The following TSHR variants were observed in gnomAD, a reference collection of about 807,000 sequenced individuals.
TSHR encodes thyroid stimulating hormone receptor.
In TSHR, 51 loss-of-function variants were observed where a neutral mutation model predicts 64.1. The observed-to-expected ratio is 0.80, with a 90% confidence interval of 0.64 to 1.01. The LOEUF (loss-of-function observed/expected upper bound fraction) is 1.01. TSHR is among the 50% of genes least tolerant of loss of function. The pLI, the probability that TSHR is intolerant of heterozygous loss-of-function variation, is 0.00. For synonymous variants in TSHR, 361 were observed against 361.9 expected, an observed-to-expected ratio of 1.00 and a Z score of 0.03; for missense variants, 877 against 942.8, an observed-to-expected ratio of 0.93 and a Z score of 0.91.
In TSHR at chr14:81,077,113, C is replaced by T. The variant is rs550474145; in HGVS notation, c.317+8785C>T. On this transcript the variant is annotated intron_variant, in intron 3 of 9. Transcript: ENST00000298171. ...CTACACAGAGACACATACCATTCAGCCCACTTCTGCATCTAAGTTAGATCC... is the reference window on the plus strand; with the variant it reads ...CTACACAGAGACACATACCATTCAGTCCACTTCTGCATCTAAGTTAGATCC... Among the ~76,000 whole-genome samples the T allele has an allele frequency of 1.1e-4, 16 of 152,246 alleles. No individual in the cohort carries two copies. The South Asian group carries it at 3.1e-3, about 30-fold the overall frequency.
At chr14:80,976,777 A>G (rs1887898696) in intron 1 of TSHR, among the ~76,000 whole-genome samples, 1 of 152,256 alleles carries the variant, frequency 6.6e-6, no homozygotes, top group African/African-American at 2.4e-5. Context: ...TGAGTTCTCC[A>G]CAGAGCCTAG....
At chr14:81,135,191 T>C (rs1891405265) in intron 8 of TSHR, among the ~76,000 whole-genome samples, 1 of 152,130 alleles carries the variant, frequency 6.6e-6, no homozygotes, top group East Asian at 1.9e-4. Context: ...CCTAAGAAAT[T>C]ACTTGAAAAT....
chr14:81,041,508 G>T (rs908933422), intron 1 of TSHR, among the ~76,000 whole-genome samples: 6 of 152,016 alleles, frequency 3.9e-5, no homozygotes, highest in African/African-American at 1.4e-4. Flanking sequence ...AAACACACTG[G>T]GGCCTATTGA....
At chr14:80,996,617 G>A (rs925251549) in intron 1 of TSHR, among the ~76,000 whole-genome samples, 3 of 152,032 alleles carry the variant, frequency 2.0e-5, no homozygotes, top group African/African-American at 7.3e-5. Context: ...AGCACTGTTC[G>A]AGCAATCAGG....
intron 8 of TSHR, among the ~76,000 whole-genome samples, chr14:81,134,204 C>T (rs997195457): frequency 5.9e-5 from 9 of 152,062 alleles, no homozygotes; most frequent in Non-Finnish European, 8.8e-5. Flanking sequence ...GGTGCAATCT[C>T]GGCTCACCAC....
At chr14:80,966,249 T>C (rs1451085430) in intron 1 of TSHR, among the ~76,000 whole-genome samples, 2 of 152,152 alleles carry the variant, frequency 1.3e-5, no homozygotes, top group Admixed American at 1.3e-4. Context: ...AGGAAAGGGC[T>C]CTGTGCATGA....
At chr14:81,049,024 T>C (rs917241979) in intron 1 of TSHR, among the ~76,000 whole-genome samples, 2 of 152,214 alleles carry the variant, frequency 1.3e-5, no homozygotes, top group African/African-American at 4.8e-5. Context: ...CATTATCCTA[T>C]GATAAAATTG....
intron 1 of TSHR, among the ~76,000 whole-genome samples, chr14:80,975,961 G>C (rs1452738275): frequency 6.6e-6 from 1 of 151,482 alleles, no homozygotes; most frequent in Non-Finnish European, 1.5e-5. Context: ...GCCCAGGCTG[G>C]AGTGCAGTGG....
intron 1 of TSHR, among the ~76,000 whole-genome samples, chr14:81,023,705 G>T (rs540043330): frequency 6.6e-6 from 1 of 152,178 alleles, no homozygotes; most frequent in Non-Finnish European, 1.5e-5. Context: ...AGGCCTTCTT[G>T]TACAACCAAA....
chr14:81,083,962 C>T (rs78725140), intron 3 of TSHR, among the ~76,000 whole-genome samples: 2 of 152,198 alleles, frequency 1.3e-5, no homozygotes, highest in Non-Finnish European at 1.5e-5. Context: ...CTCACTATCA[C>T]GAGAACAGCA....
At chr14:81,047,614 C>G (rs115476501) in intron 1 of TSHR, among the ~76,000 whole-genome samples, 2 of 151,610 alleles carry the variant, frequency 1.3e-5, no homozygotes, top group Admixed American at 1.3e-4. Context: ...TTGTTAAGGA[C>G]AGCTCCTTTC....
At chr14:81,119,177 TG>T (rs1480792630) in intron 8 of TSHR, among the ~76,000 whole-genome samples, 1 of 142,194 alleles carries the variant, frequency 7.0e-6, no homozygotes, top group Non-Finnish European at 1.5e-5. Flanking sequence ...AATTGACAAA[TG>T]GGATCTAATT....
chr14:81,075,565 T>C (rs920722162), intron 3 of TSHR, among the ~76,000 whole-genome samples: 1 of 151,834 alleles, frequency 6.6e-6, no homozygotes, highest in African/African-American at 2.4e-5. Flanking sequence ...TACATATGTA[T>C]ACATGTGCCA....
chr14:81,104,573 C>T (rs1053100861), intron 7 of TSHR: 110 of 985,302 alleles, frequency 1.1e-4, no homozygotes, highest in Middle Eastern at 1.0e-3. Context: ...GGCTTTCATT[C>T]CTTCCTCCAG....
At chr14:81,059,808 G>A (rs893546900) in intron 1 of TSHR, among the ~76,000 whole-genome samples, 1 of 152,076 alleles carries the variant, frequency 6.6e-6, no homozygotes, top group Non-Finnish European at 1.5e-5. Flanking sequence ...CAAAACATTA[G>A]CATTTCAAAT....
chr14:80,957,456 T>C (rs1299909428), intron 1 of TSHR, among the ~76,000 whole-genome samples: 1 of 120,578 alleles, frequency 8.3e-6, no homozygotes, highest in Non-Finnish European at 1.7e-5. Context: ...ACTTAGACAC[T>C]CAGAAAAAAC....
At chr14:81,116,073 A>C (rs1288043689) in intron 8 of TSHR, among the ~76,000 whole-genome samples, 2 of 152,114 alleles carry the variant, frequency 1.3e-5, no homozygotes, top group Admixed American at 6.5e-5. Context: ...CCGCTGCAAA[A>C]TCATGCCAAA....
intron 1 of TSHR, among the ~76,000 whole-genome samples, chr14:81,010,712 T>C (rs1433752815): frequency 6.6e-6 from 1 of 152,196 alleles, no homozygotes; most frequent in Non-Finnish European, 1.5e-5. Flanking sequence ...CAGTACAATG[T>C]TGAATAGCAA....
intron 1 of TSHR, among the ~76,000 whole-genome samples, chr14:81,058,656 T>C (rs565493117): frequency 4.7e-4 from 71 of 152,334 alleles, no homozygotes; most frequent in African/African-American, 1.7e-3. Flanking sequence ...AGAAACAAAT[T>C]CTATTGCGAT....
Sources: gnomAD v4.1 joint callset for allele counts (sites outside exome capture counted in the v4.1 genomes callset) on GRCh38, gnomAD v4.1.1 for gene constraint, MANE v1.5 for transcripts, NCBI Gene and HGNC (gene_info 2026-07-23, HGNC 2026-07-21) for gene names.